The following VEPH1 variants were observed in gnomAD, a reference collection of about 807,000 sequenced individuals.
VEPH1 encodes the protein ventricular zone expressed PH domain containing 1.
VEPH1 carries 80 observed loss-of-function variants against 85.2 expected under a neutral mutation model. The observed-to-expected ratio is 0.94, with a 90% CI of 0.78 to 1.13. VEPH1 has a LOEUF of 1.13. VEPH1 is among the 50% of genes most tolerant of loss of function. The probability of loss-of-function intolerance (pLI) is 0.00; values close to 1 mark genes in which losing one functional copy is unlikely to be tolerated. For missense variants in VEPH1, 955 were observed against 980.5 expected, an observed-to-expected ratio of 0.97 and a Z score of 0.35; for synonymous variants, 297 against 348.0, an observed-to-expected ratio of 0.85 and a Z score of 1.63.
chr3:157,296,107 G>A (rs925668679), intron 11 of VEPH1, among the ~76,000 whole-genome samples: 6 of 152,160 alleles, frequency 3.9e-5, no homozygotes, highest in African/African-American at 1.4e-4. Context: ...AAAGATATGT[G>A]CCATCTGATA....
intron 2 of VEPH1, among the ~76,000 whole-genome samples, chr3:157,490,977 A>G (rs1192522698): frequency 2.6e-5 from 4 of 152,220 alleles, no homozygotes; most frequent in Admixed American, 2.6e-4. Flanking sequence ...ACCAATATAG[A>G]CAAATCTCAA....
chr3:157,321,339 T>C (rs1721329233), intron 9 of VEPH1, among the ~76,000 whole-genome samples: 1 of 152,166 alleles, frequency 6.6e-6, no homozygotes, highest in South Asian at 2.1e-4. Flanking sequence ...ACTATAAGTA[T>C]TTACACACTG....
chr3:157,344,892 C>A (rs964484854), intron 9 of VEPH1, among the ~76,000 whole-genome samples: 8 of 151,992 alleles, frequency 5.3e-5, no homozygotes, highest in Non-Finnish European at 1.0e-4. Context: ...ACCATCTGAT[C>A]TTTCACAAAC....
chr3:157,500,899 C>G (rs1226613607), intron 1 of VEPH1, among the ~76,000 whole-genome samples: 1 of 152,112 alleles, frequency 6.6e-6, no homozygotes, highest in Non-Finnish European at 1.5e-5. Context: ...CTCCCTGAGC[C>G]TGGAATTCCT....
At chr3:157,489,998 G>T (rs989002444) in intron 2 of VEPH1, among the ~76,000 whole-genome samples, 1 of 151,868 alleles carries the variant, frequency 6.6e-6, no homozygotes, top group Admixed American at 6.6e-5. Context: ...TTTAACAAAA[G>T]ATGTATAATA....
At chr3:157,409,452 TG>T (rs1166316337) in intron 6 of VEPH1, among the ~76,000 whole-genome samples, 1 of 152,130 alleles carries the variant, frequency 6.6e-6, no homozygotes, top group African/African-American at 2.4e-5. Context: ...ACCCTGGAAG[TG>T]TTCTGTGAGT....
intron 7 of VEPH1, among the ~76,000 whole-genome samples, chr3:157,369,193 A>AAAACAAAAAAAAAAAAAAAC: frequency 7.1e-6 from 1 of 140,632 alleles, no homozygotes; most frequent in South Asian, 2.5e-4. Flanking sequence ...AAAAAAAAAA[A>AAAACAAAAAAAAAAAAAAAC]AAAAAAAAAA....
At chr3:157,443,621 G>T (rs1212757603) in intron 4 of VEPH1, 1 of 152,406 alleles carries the variant, frequency 6.6e-6, no homozygotes, top group Non-Finnish European at 1.5e-5. Flanking sequence ...TTTAAGAGAT[G>T]TTTTGGAGCA....
rs548355683 is a variant in VEPH1, at chr3:157,301,768, G to A, written c.2010+11853C>T. ...GAGGTTCTTTTATTTCTTGGCTGCC[G>A]TGTGGATGCAATCCTGAACTGGGAC... On this transcript the variant is annotated intron_variant, in intron 11 of 13. Transcript: ENST00000362010. 1.7e-3 allele frequency among the ~76,000 whole-genome samples: 262 copies of A among 152,160 alleles called. 2 individuals carry two copies. The highest frequency in any genetic ancestry group is 0.017 in the Middle Eastern group (5 of 292).
At chr3:157,424,606 A>G (rs1732615184) in intron 5 of VEPH1, among the ~76,000 whole-genome samples, 1 of 152,206 alleles carries the variant, frequency 6.6e-6, no homozygotes, top group Admixed American at 6.5e-5. Context: ...TGGAGATGAG[A>G]AACTTGTTGC....
intron 4 of VEPH1, among the ~76,000 whole-genome samples, chr3:157,433,284 G>C (rs183056472): frequency 2.0e-5 from 3 of 152,094 alleles, no homozygotes; most frequent in Non-Finnish European, 4.4e-5. Context: ...CACTGTCCAC[G>C]GGTATCCTTG....
chr3:157,291,740 C>T (rs34508886), intron 11 of VEPH1, among the ~76,000 whole-genome samples: 5,347 of 152,278 alleles, frequency 0.035, 151 homozygotes, highest in Admixed American at 0.071. Context: ...TATTGTTTTG[C>T]AGCTTTTAAA....
chr3:157,362,036 T>TA (rs1211117732), intron 9 of VEPH1, among the ~76,000 whole-genome samples: 10 of 152,244 alleles, frequency 6.6e-5, no homozygotes, highest in African/African-American at 2.2e-4. Flanking sequence ...TTTTTATTTT[T>TA]TTTTTGGGTG....
At chr3:157,337,792 A>G (rs1723109133) in intron 9 of VEPH1, among the ~76,000 whole-genome samples, 1 of 152,232 alleles carries the variant, frequency 6.6e-6, no homozygotes, top group Non-Finnish European at 1.5e-5. Context: ...CTGAGGGATA[A>G]AATGATCAAC....
intron 9 of VEPH1, among the ~76,000 whole-genome samples, chr3:157,325,971 A>G (rs537211453): frequency 1.3e-5 from 2 of 152,326 alleles, no homozygotes; most frequent in East Asian, 3.9e-4. Flanking sequence ...TGACCATGGA[A>G]TGTTTTTCCA....
intron 4 of VEPH1, among the ~76,000 whole-genome samples, chr3:157,445,913 C>G (rs1455311059): frequency 6.6e-6 from 1 of 152,038 alleles, no homozygotes; most frequent in Admixed American, 6.6e-5. Context: ...GGATATCTGA[C>G]TTAAAAAAAC....
chr3:157,379,591 C>T (rs556300217), intron 7 of VEPH1, among the ~76,000 whole-genome samples: 3 of 152,306 alleles, frequency 2.0e-5, no homozygotes, highest in South Asian at 2.1e-4. Context: ...CCAGGCTCTA[C>T]ACCATGCTGA....
chr3:157,302,854 T>A (rs1718975643), intron 11 of VEPH1, among the ~76,000 whole-genome samples: 1 of 152,180 alleles, frequency 6.6e-6, no homozygotes, highest in Non-Finnish European at 1.5e-5. Context: ...GCTCCACCAA[T>A]GCTGTGAAAG....
intron 6 of VEPH1, among the ~76,000 whole-genome samples, chr3:157,409,145 G>C (rs1291841247): frequency 6.6e-6 from 1 of 151,990 alleles, no homozygotes; most frequent in Non-Finnish European, 1.5e-5. Context: ...TATATAAACT[G>C]CTGGATGGTT....
Sources: allele counts gnomAD v4.1 joint callset (sites outside exome capture counted in the v4.1 genomes callset), GRCh38; gene constraint gnomAD v4.1.1; transcripts MANE v1.5; gene names NCBI Gene and HGNC (gene_info 2026-07-23, HGNC 2026-07-21).